Variants in DNAJB13 observed in about 807,000 individuals in gnomAD.
The protein encoded by DNAJB13 is dnaJ homolog subfamily B member 13.
In DNAJB13, 22 loss-of-function variants were observed where a neutral mutation model predicts 35.6. The observed-to-expected ratio is 0.62, with a 90% confidence interval of 0.44 to 0.88. The LOEUF (loss-of-function observed/expected upper bound fraction) is 0.88. Ranked by LOEUF, DNAJB13 falls within the 40% of genes least tolerant of loss-of-function variation. The pLI, the probability that DNAJB13 is intolerant of heterozygous loss-of-function variation, is 0.00. For missense variants in DNAJB13, 370 were observed against 384.3 expected (o/e 0.96, Z 0.31); for synonymous variants, 136 against 144.2 (o/e 0.94, Z 0.41).
At chr11:73,964,738 G>T (rs996844058) in intron 3 of DNAJB13, 140 bp from the exon 4 acceptor site, 1 of 940,220 alleles carries the variant, frequency 1.1e-6, no homozygotes, top group Non-Finnish European at 1.6e-6. Context: ...CACTGAAGAG[G>T]TTGGGGAGCA....
chr11:73,968,174 G>T (rs2306817), intron 5 of DNAJB13, 171 bp from the exon 6 acceptor site: 7 of 622,322 alleles, frequency 1.1e-5, no homozygotes, highest in Non-Finnish European at 1.5e-5. Context: ...TAAGCTTCTC[G>T]GGCTTCTAAT....
chr11:73,965,216 C>A, intron 4 of DNAJB13, 181 bp downstream of exon 4: 2 of 662,216 alleles, frequency 3.0e-6, no homozygotes, highest in Non-Finnish European at 4.8e-6. Context: ...CAGTTGAAGA[C>A]ATTAGCCCGG....
intron 3 of DNAJB13, 63 bp from the exon 4 acceptor site, chr11:73,964,815 G>GCGCGCGCCCCCC: frequency 1.0e-6 from 1 of 974,088 alleles, no homozygotes. Flanking sequence ...GTGTGTGTGC[G>GCGCGCGCCCCCC]CGCGCGCGCA....
chr11:73,958,527 C>T (rs1167610837), intron 2 of DNAJB13, 107 bp downstream of exon 2: 1 of 1,022,964 alleles, frequency 9.8e-7, no homozygotes, highest in Non-Finnish European at 1.5e-6. Flanking sequence ...CATCCTTCTT[C>T]CCTGCCTAGA....
At chr11:73,957,370 C>T (rs1255616631) in intron 1 of DNAJB13, among the ~76,000 whole-genome samples, 1 of 152,218 alleles carries the variant, frequency 6.6e-6, no homozygotes, top group African/African-American at 2.4e-5. Flanking sequence ...AACTGCACTC[C>T]GCTGTCCCTG....
Position 73,964,940 on chromosome 11 carries a change from G to A in DNAJB13, c.397G>A (p.Val133Ile), listed in dbSNP as rs372722420. ...LNFGGLQGRG[V>I]KKQDPQVERD... ...CTTTGGGGGGCTCCAGGGCCGAGGGGTCAAGAAGCAGGACCCCCAAGTCGA... is the reference window on the plus strand; with the variant it reads ...CTTTGGGGGGCTCCAGGGCCGAGGGATCAAGAAGCAGGACCCCCAAGTCGA... The change falls in exon 4 of 8, where the codon GTC (valine) becomes ATC (isoleucine). Residue 133 changes from valine (V) to isoleucine (I), a missense_variant. By Grantham distance (29) the Val-to-Ile change is conservative (BLOSUM62 3). Coordinates refer to ENST00000339764, the MANE Select transcript of DNAJB13 (RefSeq NM_153614.4). 8 of 1,613,358 alleles carry A rather than the reference G, an allele frequency of 5.0e-6. No individual in the cohort carries two copies. The highest frequency in any genetic ancestry group is 6.8e-6 in the Non-Finnish European group (8 of 1,179,904).
rs1554992105 is a variant in DNAJB13 at position 73,964,815 on chromosome 11, G to GCGCC, written c.335-60_335-59insCCGC. The stretch of plus-strand genomic sequence containing the variant: ...TGTGTGTGTGTGTGTGTGTGTGTGC[G>GCGCC]CGCGCGCGCATGTCTGGGTCTCTGG... On this transcript the variant is annotated intron_variant, in intron 3 of 7. Transcript: ENST00000339764. The GCGCC allele has an allele frequency of 0.042, 40,621 of 964,304 alleles. 2,645 individuals are homozygous for GCGCC. The highest frequency in any genetic ancestry group is 0.12 in the East Asian group (4,160 of 35,232). 59.7% of individuals were successfully genotyped at this position (964,304 alleles called of 1,614,324 possible).
At chr11:73,955,307 C>CTTTTTT (rs570240877) in intron 1 of DNAJB13, among the ~76,000 whole-genome samples, 2 of 134,794 alleles carry the variant, frequency 1.5e-5, no homozygotes. Flanking sequence ...AACCTTGTTA[C>CTTTTTT]TTTTTTTTTT....
intron 1 of DNAJB13, among the ~76,000 whole-genome samples, chr11:73,951,664 G>A (rs1950588571): frequency 6.6e-6 from 1 of 152,044 alleles, no homozygotes; most frequent in Admixed American, 6.5e-5. Context: ...TTTTTGTTTT[G>A]AGACGGAGTC....
At chr11:73,965,949 C>T (rs927300228) in intron 4 of DNAJB13, 189 bp from the exon 5 acceptor site, 3 of 590,916 alleles carry the variant, frequency 5.1e-6, no homozygotes, top group Non-Finnish European at 9.1e-6. Context: ...GTGGGAGTGG[C>T]TCAGGGCAGG....
intron 1 of DNAJB13, among the ~76,000 whole-genome samples, chr11:73,955,663 C>A (rs918051578): frequency 6.6e-6 from 1 of 152,034 alleles, no homozygotes; most frequent in Non-Finnish European, 1.5e-5. Flanking sequence ...CCCGTCTCTA[C>A]TAAAAATACA....
intron 1 of DNAJB13, among the ~76,000 whole-genome samples, chr11:73,953,414 C>T (rs1392387701): frequency 6.6e-6 from 1 of 152,168 alleles, no homozygotes. Flanking sequence ...CGGCCAGCTA[C>T]TGCCTTAAAA....
chr11:73,970,078 GA>G lies in DNAJB13; in HGVS notation c.917del (p.Lys306ArgfsTer10). 4.3e-6 allele frequency: 7 copies of G among 1,610,320 alleles called. No homozygotes were observed. The highest frequency in any genetic ancestry group is 5.9e-6 in the Non-Finnish European group (7 of 1,178,154). On this transcript the variant is annotated frameshift_variant, in exon 8 of 8. Coordinates refer to ENST00000339764, the MANE Select transcript of DNAJB13 (RefSeq NM_153614.4). LOFTEE classifies it high-confidence loss of function. Reference protein sequence around the residue: ...IQFPTRLTPQKKQMLRQALLT With the variant: ...IQFPTRLTPQXKQMLRQALLT ...AGTTCCCCACCCGCCTCACACCCCA[GA>G]AGAAGCAGATGCTGCGCCAGGCATT...
In DNAJB13 at chr11:73,959,517, A is replaced by G. The variant is rs372254426; in HGVS notation, c.196A>G (p.Lys66Glu). 2 of 1,613,824 alleles carry G rather than the reference A, an allele frequency of 1.2e-6. No homozygotes were observed. Among genetic ancestry groups the G allele is most frequent in the African/African-American group, 2.7e-5 (2 of 74,910 alleles). The change falls in exon 3 of 8, where the codon AAG becomes GAG. Residue 66 changes from lysine to glutamate, a missense_variant. By Grantham distance (56) the Lys-to-Glu change is moderately conservative. Transcript: ENST00000339764. ...SDPMKRGIYD[K>E]FGEEGLKGGI... ...AGCCATGAAGAGAGGCATCTACGACAAGTTTGGAGAAGAGGGCCTGAAGGG... is the reference window on the plus strand; with the variant it reads ...AGCCATGAAGAGAGGCATCTACGACGAGTTTGGAGAAGAGGGCCTGAAGGG...
chr11:73,963,181 C>CTCT (rs1950980140), intron 3 of DNAJB13, among the ~76,000 whole-genome samples: 1 of 151,568 alleles, frequency 6.6e-6, no homozygotes, highest in African/African-American at 2.4e-5. Flanking sequence ...AACAAACAAA[C>CTCT]AAAAACAAAA....
intron 1 of DNAJB13, among the ~76,000 whole-genome samples, chr11:73,955,783 A>G (rs993274418): frequency 2.6e-5 from 4 of 152,160 alleles, no homozygotes; most frequent in African/African-American, 9.6e-5. Flanking sequence ...CCTAGGTGAC[A>G]GAGTGAGACT....
At chr11:73,957,494 T>G (rs1591179211) in intron 1 of DNAJB13, among the ~76,000 whole-genome samples, 1 of 152,302 alleles carries the variant, frequency 6.6e-6, no homozygotes, top group Admixed American at 6.5e-5. Context: ...CCGATACATA[T>G]TCTCAGACGC....
intron 5 of DNAJB13, among the ~76,000 whole-genome samples, chr11:73,966,763 C>T (rs1163354271): frequency 6.6e-6 from 1 of 151,830 alleles, no homozygotes; most frequent in Admixed American, 6.6e-5. Context: ...ATTGCAGCCT[C>T]CACCTCCTGG....
At chr11:73,960,902 C>G (rs1323283388) in intron 3 of DNAJB13, among the ~76,000 whole-genome samples, 1 of 152,044 alleles carries the variant, frequency 6.6e-6, no homozygotes, top group East Asian at 1.9e-4. Flanking sequence ...TTTCATTGTA[C>G]AGATGTCTAT....
Sources: gnomAD v4.1 joint callset for allele counts (sites outside exome capture counted in the v4.1 genomes callset) on GRCh38, gnomAD v4.1.1 for gene constraint, MANE v1.5 for transcripts, NCBI Gene and HGNC (gene_info 2026-07-23, HGNC 2026-07-21) for gene names.